The following OLFML2B variants were observed in gnomAD, a reference collection of about 807,000 sequenced individuals.
OLFML2B encodes the protein olfactomedin like 2B.
OLFML2B carries 57 observed loss-of-function variants against 74.9 expected under a neutral mutation model. The ratio of observed to expected loss-of-function variants is 0.76; its 90% confidence interval spans 0.61 to 0.95. The LOEUF is 0.95. OLFML2B is among the 40% of genes least tolerant of loss of function. The probability of loss-of-function intolerance (pLI) is 0.00; values close to 1 mark genes in which losing one functional copy is unlikely to be tolerated. For synonymous variants in OLFML2B, 388 were observed against 405.8 expected (o/e 0.96, Z 0.53); for missense variants, 986 against 970.6 (o/e 1.02, Z -0.21).
At chr1:161,994,263 G>A (rs1410061752) in intron 6 of OLFML2B, among the ~76,000 whole-genome samples, 3 of 152,232 alleles carry the variant, frequency 2.0e-5, no homozygotes, top group East Asian at 1.9e-4. Context: ...CGTCAGCATC[G>A]CCTTCCTTGG....
At position 162,000,191 on chromosome 1, in the gene OLFML2B, AGGCC is replaced by A. The variant is rs1418301779; in HGVS notation, c.867_870del (p.Ala290ProfsTer40). 1.2e-6 allele frequency: 2 copies of A among 1,613,616 alleles called. No homozygotes were observed. The highest frequency in any genetic ancestry group is 1.1e-5 in the South Asian group (1 of 91,056). ...ATGCCCCGGATGACAGTGGGCTGGG[AGGCC>A]GGCCGGCCTCTCAGGTGGACCTGCC... On this transcript the variant is annotated frameshift_variant, in exon 5 of 8. Coordinates refer to ENST00000294794, the MANE Select transcript of OLFML2B (RefSeq NM_015441.3). LOFTEE classifies it high-confidence loss of function.
At chr1:162,005,902 C>CAA (rs71093139) in intron 4 of OLFML2B, among the ~76,000 whole-genome samples, 2,877 of 77,704 alleles carry the variant, frequency 0.037, 234 homozygotes, top group East Asian at 0.066. Context: ...TGGAACCTAT[C>CAA]AAAAAAAAAA....
chr1:162,008,676 T>TA (rs1690297326), intron 3 of OLFML2B, among the ~76,000 whole-genome samples: 1 of 152,190 alleles, frequency 6.6e-6, no homozygotes, highest in Non-Finnish European at 1.5e-5. Flanking sequence ...AGGAGCTTGT[T>TA]AAAACTGCAG....
At chr1:161,990,341 A>C (rs762467749) in intron 6 of OLFML2B, among the ~76,000 whole-genome samples, 2 of 152,220 alleles carry the variant, frequency 1.3e-5, no homozygotes, top group African/African-American at 2.4e-5. Flanking sequence ...TAGTAAATTA[A>C]ATTTTTAATA....
In OLFML2B at chr1:161,994,647, G is replaced by A. The variant is rs77187512; in HGVS notation, c.1474+3178C>T. Among the ~76,000 whole-genome samples the A allele has an allele frequency of 6.3e-3, 961 of 152,292 alleles. 8 individuals are homozygous for A. Among genetic ancestry groups the A allele is most frequent in the African/African-American group, 0.022 (918 of 41,560 alleles). The stretch of plus-strand genomic sequence containing the variant: ...AGCCAGGGCTGTCCCGAGCAGAAGC[G>A]CCTTCTCGGATGGTACCAATCCTAC... On this transcript the variant is annotated intron_variant, in intron 6 of 7. Coordinates refer to ENST00000294794, the MANE Select transcript of OLFML2B (RefSeq NM_015441.3).
At position 161,983,944 on chromosome 1, in the gene OLFML2B, TCTC is replaced by T. The variant is rs1223765833; in HGVS notation, c.1981_1983del (p.Glu661del). On this transcript the variant is annotated inframe_deletion, in exon 8 of 8. Coordinates refer to ENST00000294794, the MANE Select transcript of OLFML2B (RefSeq NM_015441.3). Reference sequence around the variant, plus strand: ...CTCCGGAGCCCCGTGCGCCATGTGGTCTCCTTCTGTGTGCTCAGGTCCGCGGCA... The same window carrying T: ...CTCCGGAGCCCCGTGCGCCATGTGGTCTTCTGTGTGCTCAGGTCCGCGGCA... 1 of 1,614,056 alleles carries T rather than the reference TCTC, an allele frequency of 6.2e-7. No individual in the cohort carries two copies. Among genetic ancestry groups the T allele is most frequent in the African/African-American group, 1.3e-5 (1 of 74,924 alleles).
intron 3 of OLFML2B, among the ~76,000 whole-genome samples, chr1:162,015,864 T>A (rs975695929): frequency 7.9e-5 from 12 of 152,144 alleles, no homozygotes; most frequent in African/African-American, 2.9e-4. Context: ...GCTGATGCGG[T>A]TCTGTTGGCC....
intron 2 of OLFML2B, 105 bp downstream of exon 2, chr1:162,019,814 C>A: frequency 1.4e-6 from 2 of 1,413,028 alleles, no homozygotes; most frequent in African/African-American, 1.4e-5. Context: ...GGGAACAGGC[C>A]TGACCTTCTT....
At chr1:161,992,616 T>C (rs901020788) in intron 6 of OLFML2B, among the ~76,000 whole-genome samples, 2 of 152,140 alleles carry the variant, frequency 1.3e-5, no homozygotes, top group Non-Finnish European at 2.9e-5. Flanking sequence ...CTAGAGGCCA[T>C]TGTAGGGTTA....
intron 4 of OLFML2B, among the ~76,000 whole-genome samples, chr1:162,000,774 G>A (rs1296505324): frequency 1.3e-5 from 2 of 152,136 alleles, no homozygotes; most frequent in African/African-American, 4.8e-5. Context: ...AGATCCATGT[G>A]AGGGGAAGGA....
chr1:161,989,354 G>A (rs1455406154), intron 6 of OLFML2B, among the ~76,000 whole-genome samples: 1 of 152,216 alleles, frequency 6.6e-6, no homozygotes. Context: ...CTGAAATGAT[G>A]AGTCAGGCTG....
intron 3 of OLFML2B, among the ~76,000 whole-genome samples, chr1:162,011,902 A>G (rs957969824): frequency 2.0e-5 from 3 of 152,178 alleles, no homozygotes; most frequent in African/African-American, 7.2e-5. Flanking sequence ...GAGGGCTGAC[A>G]CTCGCACTGT....
chr1:162,002,429 C>T (rs1224047221), intron 4 of OLFML2B, among the ~76,000 whole-genome samples: 1 of 152,212 alleles, frequency 6.6e-6, no homozygotes, highest in Non-Finnish European at 1.5e-5. Flanking sequence ...CCTAGATGCC[C>T]AGTGCCCGGA....
At position 161,984,172 on chromosome 1, in the gene OLFML2B, T is replaced by A. The variant is rs1191326150; in HGVS notation, c.1756A>T (p.Ile586Phe). 2.5e-6 allele frequency: 4 copies of A among 1,606,652 alleles called. No homozygotes were observed. Among genetic ancestry groups the A allele is most frequent in the Non-Finnish European group, 3.4e-6 (4 of 1,176,180 alleles). The change falls in exon 8 of 8, where the codon ATC becomes TTC. Residue 586 changes from isoleucine to phenylalanine, a missense_variant. Transcript: ENST00000294794. The stretch of plus-strand genomic sequence containing the variant: ...TAGCGCTGCTTCAGGTCGTACTTGA[T>A]GATGTTGCGGGTGAAGGCGCGATTG... ...YYNRAFTRNIIKYDLKQRYVA... is the reference protein window; with the variant it reads ...YYNRAFTRNIFKYDLKQRYVA...
At chr1:161,997,369 C>T (rs542947988) in intron 6 of OLFML2B, among the ~76,000 whole-genome samples, 3 of 152,258 alleles carry the variant, frequency 2.0e-5, no homozygotes, top group South Asian at 2.1e-4. Context: ...TGATTTTGCA[C>T]GGAGGCCCAT....
chr1:162,000,237 T>G lies in OLFML2B; in HGVS notation c.825A>C (p.Ser275=). The G allele has an allele frequency of 6.2e-7, 1 of 1,613,942 alleles. No individual in the cohort carries two copies. Among genetic ancestry groups the G allele is most frequent in the Non-Finnish European group, 8.5e-7 (1 of 1,180,040 alleles). ...RPLALPEVVK[S]QRPLQRQVHL... ...GGACCTGCCTCTGCAGGGGCCGCTG[T>G]GACTTCACCACCTCAGGCAGAGCCA... is the stretch of plus-strand genomic sequence containing the variant. The change falls in exon 5 of 8, where the codon TCA becomes TCC. Residue 275 remains serine, a synonymous_variant. Transcript: ENST00000294794.
intron 7 of OLFML2B, 33 bp downstream of exon 7, chr1:161,984,771 A>C: frequency 6.2e-7 from 1 of 1,602,332 alleles, no homozygotes; most frequent in Non-Finnish European, 8.5e-7. Flanking sequence ...GGGGAAGGGA[A>C]GGAGCAGTCT....
intron 4 of OLFML2B, among the ~76,000 whole-genome samples, chr1:162,004,166 C>A (rs1221940594): frequency 6.6e-6 from 1 of 152,180 alleles, no homozygotes; most frequent in Non-Finnish European, 1.5e-5. Context: ...CCTGGCTCCA[C>A]TGGGCAGCTG....
intron 6 of OLFML2B, among the ~76,000 whole-genome samples, chr1:161,993,500 C>A (rs1204826317): frequency 6.6e-6 from 1 of 152,214 alleles, no homozygotes; most frequent in Non-Finnish European, 1.5e-5. Context: ...ACTCACACAT[C>A]CTGAGTGTGT....
Sources: gnomAD v4.1 joint callset for allele counts (sites outside exome capture counted in the v4.1 genomes callset) on GRCh38, gnomAD v4.1.1 for gene constraint, MANE v1.5 for transcripts, NCBI Gene and HGNC (gene_info 2026-07-23, HGNC 2026-07-21) for gene names.